ADAM22: variants seen among roughly 807,000 people sequenced by gnomAD.
ADAM22 encodes the protein ADAM metallopeptidase domain 22.
Under a neutral mutation model 144.6 loss-of-function variants are expected in ADAM22, and 65 were observed. That is an observed-to-expected ratio of 0.45 (90% CI 0.37 to 0.55). ADAM22 has a LOEUF of 0.55. Ranked by LOEUF, ADAM22 falls within the 20% of genes least tolerant of loss-of-function variation. The pLI is 0.00. For synonymous variants in ADAM22, 391 were observed against 412.6 expected (o/e 0.95, Z 0.63); for missense variants, 974 against 1,184.9 (o/e 0.82, Z 2.61).
At position 88,181,998 on chromosome 7, in the gene ADAM22, A is replaced by G; in HGVS notation, c.2637A>G (p.Arg879=). 1 of 1,613,820 alleles carries G rather than the reference A, an allele frequency of 6.2e-7. No homozygotes were observed. Among genetic ancestry groups the G allele is most frequent in the Non-Finnish European group, 8.5e-7 (1 of 1,179,776 alleles). Residue 879 remains arginine, a synonymous_variant, in exon 29 of 32, where the codon AGA becomes AGG. Transcript: ENST00000413139. ...GGNKKKIRGK[R]FRPRSNSTEY... is the part of the protein sequence containing the mutation. Reference sequence around the variant, plus strand: ...ACAAAAAGAAAATCAGAGGCAAAAGATTTAGACCTCGGTCTAATTCAACTG... The same window carrying G: ...ACAAAAAGAAAATCAGAGGCAAAAGGTTTAGACCTCGGTCTAATTCAACTG...
chr7:88,014,046 T>A (rs1371475764), intron 3 of ADAM22, among the ~76,000 whole-genome samples: 1 of 152,204 alleles, frequency 6.6e-6, no homozygotes, highest in African/African-American at 2.4e-5. Flanking sequence ...ATAGGTTTGA[T>A]ATGCTAATTG....
intron 2 of ADAM22, among the ~76,000 whole-genome samples, chr7:87,973,723 T>A (rs983642801): frequency 1.3e-5 from 2 of 151,968 alleles, no homozygotes; most frequent in Non-Finnish European, 2.9e-5. Context: ...ATTAAGAAAA[T>A]GTGGCACATA....
intron 4 of ADAM22, among the ~76,000 whole-genome samples, chr7:88,097,096 A>G (rs1219611887): frequency 6.6e-6 from 1 of 151,666 alleles, no homozygotes; most frequent in African/African-American, 2.4e-5. Flanking sequence ...TCAAGGTGCA[A>G]GAGAGCCTTA....
intron 4 of ADAM22, among the ~76,000 whole-genome samples, chr7:88,095,689 T>C (rs1821061835): frequency 6.6e-6 from 1 of 152,108 alleles, no homozygotes. Flanking sequence ...ATCTCTATAA[T>C]CGTGAAATGT....
At chr7:88,122,368 G>T (rs953712634) in intron 7 of ADAM22, among the ~76,000 whole-genome samples, 2 of 152,172 alleles carry the variant, frequency 1.3e-5, no homozygotes, top group Non-Finnish European at 1.5e-5. Context: ...CCATTGGTTG[G>T]AAGCAAGTTA....
chr7:88,074,806 G>A (rs1051467755), intron 3 of ADAM22, among the ~76,000 whole-genome samples: 5 of 152,266 alleles, frequency 3.3e-5, no homozygotes, highest in African/African-American at 1.2e-4. Flanking sequence ...GAACCTCTGT[G>A]CTCAAAAATG....
In ADAM22 at chr7:88,140,798, T is replaced by C. The variant is rs369670620; in HGVS notation, c.1221-2228T>C. On this transcript the variant is annotated intron_variant, in intron 14 of 31. Transcript: ENST00000413139. The stretch of plus-strand genomic sequence containing the variant: ...CTGCAGTGAGTGGAGATCACACCAC[T>C]GCACTCCAGCCTGGGCAACAGAGTG... Among the ~76,000 whole-genome samples, 10 of 152,142 alleles carry C rather than the reference T, an allele frequency of 6.6e-5. No homozygotes were observed. In the East Asian group the frequency reaches 1.7e-3, roughly 27 times the overall value.
rs376624494 is a variant in ADAM22, at chr7:88,142,804, C to T, written c.1221-222C>T. Among the ~76,000 whole-genome samples the T allele has an allele frequency of 2.3e-3, 350 of 150,888 alleles. 2 individuals are homozygous for T. Among genetic ancestry groups the T allele is most frequent in the African/African-American group, 8.2e-3 (334 of 40,932 alleles). On this transcript the variant is annotated intron_variant, in intron 14 of 31. Transcript: ENST00000413139. ...AGTGAGCCAAGATCGTGCCACTGCA[C>T]TCCAGCCTGGGCGACAGAGCTAGAC...
chr7:87,964,287 T>A (rs146012340), intron 2 of ADAM22, among the ~76,000 whole-genome samples: 53 of 152,358 alleles, frequency 3.5e-4, no homozygotes, highest in Admixed American at 1.3e-3. Flanking sequence ...GTTGGATGTA[T>A]AATGGATAAT....
At chr7:87,954,851 C>T (rs549444431) in intron 2 of ADAM22, among the ~76,000 whole-genome samples, 2 of 152,286 alleles carry the variant, frequency 1.3e-5, no homozygotes, top group South Asian at 4.1e-4. Context: ...TCTTTTTATT[C>T]TTTTTTCTCT....
rs1435851534 is a variant in ADAM22, at chr7:88,196,777, G to A, written c.*286G>A. On this transcript the variant is annotated 3_prime_UTR_variant, in exon 32 of 32. Coordinates refer to ENST00000413139, the MANE Select transcript of ADAM22 (RefSeq NM_001324418.2). ...GGATAATCCGCATGACAGATAATAT[G>A]TAGAAATATTCATAAAGTTAACTCA... is the stretch of plus-strand genomic sequence containing the variant. 2.4e-6 allele frequency: 1 copy of A among 419,056 alleles called. No homozygotes were observed. Among genetic ancestry groups the A allele is most frequent in the East Asian group, 4.1e-5 (1 of 24,438 alleles). The allele number at this position is 419,056 out of a possible 1,614,324, so 26.0% of individuals were successfully genotyped here.
Position 87,948,547 on chromosome 7 carries a change from TA to T in ADAM22, c.246+13364del, listed in dbSNP as rs571614894. Among the ~76,000 whole-genome samples the T allele has an allele frequency of 4.1e-4, 62 of 152,330 alleles. No individual in the cohort carries two copies. The South Asian group carries it at 0.012, about 31-fold the overall frequency. ...CTCATAATCCCCTGGATTTAAGCTTTAAATTATATGCTTAGTTTACCCTCTA... is the reference window on the plus strand; with the variant it reads ...CTCATAATCCCCTGGATTTAAGCTTTAATTATATGCTTAGTTTACCCTCTA... On this transcript the variant is annotated intron_variant, in intron 2 of 31. Coordinates refer to ENST00000413139, the MANE Select transcript of ADAM22 (RefSeq NM_001324418.2).
At chr7:87,998,229 C>G (rs149719370) in intron 3 of ADAM22, among the ~76,000 whole-genome samples, 2 of 152,040 alleles carry the variant, frequency 1.3e-5, no homozygotes, top group Non-Finnish European at 1.5e-5. Context: ...CTGCCTCTCC[C>G]GGTCCACTGA....
chr7:88,056,132 A>T lies in ADAM22; in HGVS notation c.324-19494A>T, dbSNP rs564802194. Among the ~76,000 whole-genome samples, 17 of 152,310 alleles carry T rather than the reference A, an allele frequency of 1.1e-4. 1 individual carries two copies. The South Asian group carries it at 3.5e-3, about 32-fold the overall frequency. ...TAAAAATGTTTATGGAGTCCCTATT[A>T]ACTCATAGTTTTGGACTTCTTGGTA... On this transcript the variant is annotated intron_variant, in intron 3 of 31. Coordinates refer to ENST00000413139, the MANE Select transcript of ADAM22 (RefSeq NM_001324418.2).
chr7:88,063,369 C>G (rs186273007), intron 3 of ADAM22, among the ~76,000 whole-genome samples: 75 of 152,018 alleles, frequency 4.9e-4, no homozygotes, highest in Middle Eastern at 6.8e-3. Flanking sequence ...AAAGTTCTCC[C>G]AGAAAACAGG....
At chr7:88,081,200 A>G (rs1816494032) in intron 4 of ADAM22, among the ~76,000 whole-genome samples, 1 of 152,172 alleles carries the variant, frequency 6.6e-6, no homozygotes, top group Non-Finnish European at 1.5e-5. Flanking sequence ...AAAAATCAAT[A>G]AACGTAATCC....
intron 4 of ADAM22, among the ~76,000 whole-genome samples, chr7:88,079,346 G>A (rs1815743036): frequency 1.3e-5 from 2 of 152,126 alleles, no homozygotes; most frequent in South Asian, 2.1e-4. Flanking sequence ...CCTGAAGGAA[G>A]CACTAAACAG....
intron 2 of ADAM22, among the ~76,000 whole-genome samples, chr7:87,959,784 A>C (rs565945763): frequency 3.3e-5 from 5 of 152,364 alleles, no homozygotes; most frequent in East Asian, 1.9e-4. Flanking sequence ...TTGCATTTGA[A>C]ATATATGTAT....
chr7:88,070,352 G>A (rs1272992901), intron 3 of ADAM22, among the ~76,000 whole-genome samples: 3 of 152,144 alleles, frequency 2.0e-5, no homozygotes, highest in South Asian at 2.1e-4. Context: ...AATAGTTTTC[G>A]GAACTCTTTT....
Sources: allele counts gnomAD v4.1 joint callset (sites outside exome capture counted in the v4.1 genomes callset), GRCh38; gene constraint gnomAD v4.1.1; transcripts MANE v1.5; gene names NCBI Gene and HGNC (gene_info 2026-07-23, HGNC 2026-07-21).